The following FAF1 variants were observed in gnomAD, a reference collection of about 807,000 sequenced individuals.
FAF1 encodes Fas associated factor 1, also known as FAS-associated factor 1.
FAF1 carries 25 observed loss-of-function variants against 92.5 expected under a neutral mutation model. That is an observed-to-expected ratio of 0.27 (90% CI 0.20 to 0.38). The LOEUF (loss-of-function observed/expected upper bound fraction) is 0.38, where lower values mean the gene tolerates loss of function less well. Among genes scored for constraint, FAF1 ranks in the 10% least tolerant of loss-of-function variants. The probability of loss-of-function intolerance (pLI) is 1.00; values close to 1 mark genes in which losing one functional copy is unlikely to be tolerated. For synonymous variants in FAF1, 234 were observed against 273.2 expected (o/e 0.86, Z 1.42); for missense variants, 636 against 793.3 (o/e 0.80, Z 2.38).
rs537170984 is a variant in FAF1, at chr1:50,695,361, T to C, written c.657+10425A>G. 6.6e-5 allele frequency among the ~76,000 whole-genome samples: 10 copies of C among 151,982 alleles called. No individual in the cohort carries two copies. In the East Asian group the frequency reaches 1.2e-3, roughly 18 times the overall value. On this transcript the variant is annotated intron_variant, in intron 7 of 18. Transcript: ENST00000396153. Reference sequence around the variant, plus strand: ...AGGTGGAGGTTGCAGCGAGCAGAGATTGCACCATTGCACTAAAAAAAAAAA... The same window carrying C: ...AGGTGGAGGTTGCAGCGAGCAGAGACTGCACCATTGCACTAAAAAAAAAAA...
At chr1:50,635,449 C>T (rs1653966633) in intron 8 of FAF1, among the ~76,000 whole-genome samples, 1 of 152,042 alleles carries the variant, frequency 6.6e-6, no homozygotes, top group Non-Finnish European at 1.5e-5. Context: ...TTCTTGAGAC[C>T]ATGTCTCACT....
chr1:50,554,390 T>TATATATAGAGAGAGAGAGAGAGAGAGAG, intron 13 of FAF1, among the ~76,000 whole-genome samples: 11 of 93,678 alleles, frequency 1.2e-4, no homozygotes, highest in South Asian at 4.0e-4. Flanking sequence ...TATATATATA[T>TATATATAGAGAGAGAGAGAGAGAGAGAG]AGAGAGAGAG....
At chr1:50,531,749 G>A (rs941777745) in intron 15 of FAF1, among the ~76,000 whole-genome samples, 1 of 152,116 alleles carries the variant, frequency 6.6e-6, no homozygotes, top group African/African-American at 2.4e-5. Context: ...GTTAAAAATA[G>A]AGCAATCAGT....
chr1:50,587,415 G>A (rs1651287252), intron 9 of FAF1, among the ~76,000 whole-genome samples: 1 of 152,116 alleles, frequency 6.6e-6, no homozygotes, highest in Non-Finnish European at 1.5e-5. Context: ...CTGCAAGAAT[G>A]AACTACTTAA....
At chr1:50,497,639 C>G (rs999041536) in intron 15 of FAF1, among the ~76,000 whole-genome samples, 2 of 147,426 alleles carry the variant, frequency 1.4e-5, no homozygotes, top group Admixed American at 1.3e-4. Context: ...ACCTCCACCC[C>G]CCCAGGTTTA....
intron 1 of FAF1, among the ~76,000 whole-genome samples, chr1:50,928,099 G>T (rs1224476062): frequency 6.6e-6 from 1 of 152,172 alleles, no homozygotes; most frequent in Non-Finnish European, 1.5e-5. Context: ...AGCCAGACTG[G>T]TTTTCAGGAA....
At position 50,621,213 on chromosome 1, in the gene FAF1, G is replaced by C. The variant is rs375390253; in HGVS notation, c.745-24997C>G. On this transcript the variant is annotated intron_variant, in intron 8 of 18. Coordinates refer to ENST00000396153, the MANE Select transcript of FAF1 (RefSeq NM_007051.3). ...GTGCTGGGGTTTCTGATGTGCTCCT[G>C]AGTCACTGGGAAAATACTCAGGTGG... 1.8e-4 allele frequency among the ~76,000 whole-genome samples: 28 copies of C among 152,200 alleles called. No homozygotes were observed. The South Asian group carries it at 4.6e-3, about 25-fold the overall frequency.
chr1:50,617,673 G>C (rs934235676), intron 8 of FAF1, among the ~76,000 whole-genome samples: 1 of 150,414 alleles, frequency 6.6e-6, no homozygotes, highest in African/African-American at 2.5e-5. Context: ...ATGAGCTAGG[G>C]AAGGAGTCCC....
intron 2 of FAF1, among the ~76,000 whole-genome samples, chr1:50,840,008 T>C (rs184972083): frequency 3.0e-4 from 46 of 152,020 alleles, no homozygotes; most frequent in African/African-American, 1.1e-3. Context: ...AGGAATAAGC[T>C]TTTCAAAACT....
chr1:50,698,593 A>G (rs905742112), intron 7 of FAF1, among the ~76,000 whole-genome samples: 3 of 152,038 alleles, frequency 2.0e-5, no homozygotes, highest in Non-Finnish European at 4.4e-5. Context: ...TTTTGCAGTG[A>G]GTTTTTCTTA....
chr1:50,819,897 A>G (rs1444861047), intron 2 of FAF1, among the ~76,000 whole-genome samples: 1 of 146,702 alleles, frequency 6.8e-6, no homozygotes, highest in Non-Finnish European at 1.5e-5. Context: ...AAATATATTT[A>G]TATATTTATT....
chr1:50,747,722 C>A lies in FAF1; in HGVS notation c.368-2947G>T, dbSNP rs190230930. 9.5e-4 allele frequency among the ~76,000 whole-genome samples: 145 copies of A among 152,302 alleles called. 1 individual carries two copies. Among genetic ancestry groups the A allele is most frequent in the African/African-American group, 3.4e-3 (143 of 41,560 alleles). On this transcript the variant is annotated intron_variant, in intron 4 of 18. Transcript: ENST00000396153. ...GAAATAATATGGTTTGGATTTGCAT[C>A]CCCAATCATGTTAAATTATAATCCT...
intron 18 of FAF1, chr1:50,452,112 T>C: frequency 7.4e-7 from 1 of 1,347,898 alleles, no homozygotes; most frequent in Non-Finnish European, 9.8e-7. Flanking sequence ...ATCCAAGTCT[T>C]CAGAATGAGA....
intron 18 of FAF1, among the ~76,000 whole-genome samples, chr1:50,473,871 C>G (rs994695807): frequency 2.0e-5 from 3 of 152,094 alleles, no homozygotes; most frequent in Non-Finnish European, 4.4e-5. Flanking sequence ...CTTAGATGTA[C>G]CTTAATGAAA....
intron 1 of FAF1, among the ~76,000 whole-genome samples, chr1:50,944,429 A>T (rs536105554): frequency 6.6e-6 from 1 of 152,320 alleles, no homozygotes; most frequent in South Asian, 2.1e-4. Flanking sequence ...TGGTCCCTCC[A>T]CCAAGTGTCA....
intron 17 of FAF1, among the ~76,000 whole-genome samples, chr1:50,484,778 G>C (rs539754861): frequency 6.6e-6 from 1 of 152,066 alleles, no homozygotes; most frequent in African/African-American, 2.4e-5. Context: ...AGAAGCTCTG[G>C]TTCTGCTTTT....
chr1:50,650,727 C>T (rs892894964), intron 8 of FAF1, among the ~76,000 whole-genome samples: 1 of 152,148 alleles, frequency 6.6e-6, no homozygotes, highest in Non-Finnish European at 1.5e-5. Context: ...ATATTGTCTG[C>T]ATTGTAATAA....
At chr1:50,818,523 C>T (rs969868562) in intron 2 of FAF1, among the ~76,000 whole-genome samples, 1 of 152,152 alleles carries the variant, frequency 6.6e-6, no homozygotes, top group Non-Finnish European at 1.5e-5. Context: ...CAAAAGAATG[C>T]CATTCAATAA....
chr1:50,803,346 T>C (rs12085022), intron 2 of FAF1, among the ~76,000 whole-genome samples: 13,184 of 152,230 alleles, frequency 0.087, 592 homozygotes, highest in African/African-American at 0.098. Context: ...ATGGGAAGAA[T>C]ACTAAGGACT....
Sources: allele counts gnomAD v4.1 joint callset (sites outside exome capture counted in the v4.1 genomes callset), GRCh38; gene constraint gnomAD v4.1.1; transcripts MANE v1.5; gene names NCBI Gene and HGNC (gene_info 2026-07-23, HGNC 2026-07-21).